The following LRRC46 variants were observed in gnomAD, a reference collection of about 807,000 sequenced individuals.
LRRC46 encodes leucine rich repeat containing 46.
In LRRC46, 20 loss-of-function variants were observed where a neutral mutation model predicts 28.0. The ratio of observed to expected loss-of-function variants is 0.71; its 90% CI spans 0.50 to 1.04. The LOEUF (loss-of-function observed/expected upper bound fraction) is 1.04, where lower values mean the gene tolerates loss of function less well. LRRC46 is among the 50% of genes least tolerant of loss of function. LRRC46 has a pLI of 0.00. For synonymous variants in LRRC46, 156 were observed against 158.8 expected (o/e 0.98, Z 0.13); for missense variants, 315 against 390.1 (o/e 0.81, Z 1.62).
Position 47,836,475 on chromosome 17 carries a change from G to C in LRRC46, c.595G>C (p.Gly199Arg). ...GAGTGGCCCATTCTGCTCAGAACGA[G>C]GTGACCCTGCTTTCCAAGGTTTTCA... The part of the protein sequence containing the change: ...ELSGPFCSER[G>R]FLKELEQELS... Residue 199 changes from glycine to arginine, a missense_variant and splice_region_variant, in exon 7 of 8, where the codon GGC becomes CGC. Transcript: ENST00000269025. This position sits in a 1 kb window ranked among gnomAD's most constrained non-coding sequence, Gnocchi z 5.8. The C allele has an allele frequency of 1.2e-6, 2 of 1,613,786 alleles. No homozygotes were observed. Among genetic ancestry groups the C allele is most frequent in the East Asian group, 4.5e-5 (2 of 44,876 alleles).
rs143367535 is a variant in LRRC46, at chr17:47,836,857, G to A, written c.703G>A (p.Asp235Asn). ...LRMEMQPTLT[D>N]LPLLPGVPMA... ...GATGGAGATGCAGCCCACCCTCACC[G>A]ACCTGCCCCTGCTACCTGGGGTGCC... The change falls in exon 8 of 8, where the codon GAC becomes AAC. Residue 235 changes from aspartate to asparagine, a missense_variant. Physicochemically the swap from Asp to Asn is conservative, Grantham distance 23. Transcript: ENST00000269025. This position sits in a 1 kb window ranked among gnomAD's most constrained non-coding sequence, Gnocchi z 5.8. 65 of 1,613,686 alleles carry A rather than the reference G, an allele frequency of 4.0e-5. 1 individual carries two copies. The highest frequency in any genetic ancestry group is 1.6e-4 in the Middle Eastern group (1 of 6,084).
intron 2 of LRRC46, 118 bp downstream of exon 2, chr17:47,832,323 A>T: frequency 1.6e-6 from 1 of 644,632 alleles, no homozygotes; most frequent in Non-Finnish European, 2.6e-6. Context: ...CCACACATTC[A>T]ATCAGTGGTA....
intron 3 of LRRC46, chr17:47,834,892 GCTGTT>G: frequency 4.4e-6 from 1 of 225,238 alleles, no homozygotes; most frequent in Non-Finnish European, 8.7e-6. Flanking sequence ...CTACTTGAAG[GCTGTT>G]TGGTGGTGGT....
rs767683634 is a variant in LRRC46, at chr17:47,832,190, AAC to A, written c.102_103del (p.Glu34AspfsTer10). On this transcript the variant is annotated frameshift_variant, in exon 2 of 8. Transcript: ENST00000269025. LOFTEE classifies it high-confidence loss of function. ...AACTTGACTTTCCCTGAAGATGGGGAACTGTCAGAGAAGATGTGAGTGCATGG... is the reference window on the plus strand; with the variant it reads ...AACTTGACTTTCCCTGAAGATGGGGATGTCAGAGAAGATGTGAGTGCATGG... 1.3e-6 allele frequency: 2 copies of A among 1,596,176 alleles called. No individual in the cohort carries two copies. The highest frequency in any genetic ancestry group is 3.5e-5 in the Admixed American group (2 of 57,618).
Position 47,836,262 on chromosome 17 carries a change from G to A in LRRC46, c.453-71G>A, listed in dbSNP as rs1361298456. 1 of 1,599,314 alleles carries A rather than the reference G, an allele frequency of 6.3e-7. No individual in the cohort carries two copies. The highest frequency in any genetic ancestry group is 8.5e-7 in the Non-Finnish European group (1 of 1,171,046). Reference sequence around the variant, plus strand: ...CACCACCCCTCCGGGTGTGAGTGCTGTGGTGCGTGTCTTTGCATCCTCCAC... The same window carrying A: ...CACCACCCCTCCGGGTGTGAGTGCTATGGTGCGTGTCTTTGCATCCTCCAC... On this transcript the variant is annotated intron_variant, in intron 6 of 7. Coordinates refer to ENST00000269025, the MANE Select transcript of LRRC46 (RefSeq NM_033413.4). This position sits in a 1 kb window ranked among gnomAD's most constrained non-coding sequence, Gnocchi z 5.8.
intron 3 of LRRC46, 195 bp downstream of exon 3, chr17:47,834,728 T>C (rs1349299959): frequency 4.0e-6 from 2 of 505,062 alleles, no homozygotes; most frequent in African/African-American, 3.9e-5. Context: ...ATCCTGAACA[T>C]GACCTGTGCT....
At chr17:47,835,488 G>C in intron 4 of LRRC46, 89 bp downstream of exon 4, 2 of 1,531,728 alleles carry the variant, frequency 1.3e-6, no homozygotes, top group Non-Finnish European at 1.8e-6. Context: ...CTCCAAGCCT[G>C]GGTCCTTGTC....
rs763717181 is a variant in LRRC46, at chr17:47,837,077, C to T, written c.923C>T (p.Ala308Val). The change falls in exon 8 of 8, where the codon GCC (alanine) becomes GTC (valine). Residue 308 changes from alanine to valine, a missense_variant. Coordinates refer to ENST00000269025, the MANE Select transcript of LRRC46 (RefSeq NM_033413.4). ...ATAPKASVAE[A>V]PSTTKTTAKR... ...GCCCCCAAGGCCTCTGTGGCTGAGG[C>T]CCCCAGCACAACCAAAACTACGGCC... is the stretch of plus-strand genomic sequence containing the variant. 2 of 1,604,056 alleles carry T rather than the reference C, an allele frequency of 1.2e-6. No individual in the cohort carries two copies. The highest frequency in any genetic ancestry group is 2.2e-5 in the East Asian group (1 of 44,830).
Position 47,836,781 on chromosome 17 carries a change from C to T in LRRC46, c.627C>T (p.Ser209=). 1 of 1,613,752 alleles carries T rather than the reference C, an allele frequency of 6.2e-7. No homozygotes were observed. The highest frequency in any genetic ancestry group is 8.5e-7 in the Non-Finnish European group (1 of 1,179,932). Residue 209 remains serine (S), a synonymous_variant, in exon 8 of 8, where the codon AGC becomes AGT. Coordinates refer to ENST00000269025, the MANE Select transcript of LRRC46 (RefSeq NM_033413.4). The surrounding 1 kb of genome is among the most constrained non-coding windows in gnomAD (Gnocchi z 5.8). ...TCAAGGAGCTGGAGCAGGAGCTGAG[C>T]AGGCACAGGGAGCACCGGCAACAGA... ...GFLKELEQEL[S]RHREHRQQTA... is the part of the protein sequence containing the mutation.
At position 47,836,609 on chromosome 17, in the gene LRRC46, G is replaced by T; in HGVS notation, c.595+134G>T. 1 of 1,492,238 alleles carries T rather than the reference G, an allele frequency of 6.7e-7. No individual in the cohort carries two copies. The highest frequency in any genetic ancestry group is 2.4e-5 in the East Asian group (1 of 42,296). The allele number at this position is 1,492,238 out of a possible 1,614,324, so 92.4% of individuals were successfully genotyped here. ...CAGATCAACATCTGGGCCAGAGCCA[G>T]GTGTCAGTCCTGGGCCCCAGCCTCA... On this transcript the variant is annotated intron_variant, in intron 7 of 7. Coordinates refer to ENST00000269025, the MANE Select transcript of LRRC46 (RefSeq NM_033413.4). The surrounding 1 kb of genome is among the most constrained non-coding windows in gnomAD (Gnocchi z 5.8).
chr17:47,834,453 G>A lies in LRRC46; in HGVS notation c.145G>A (p.Val49Ile), dbSNP rs750381873. 1.2e-5 allele frequency: 19 copies of A among 1,613,644 alleles called. 1 individual carries two copies. In the South Asian group the frequency reaches 2.0e-4, roughly 17 times the overall value. Reference protein sequence around the residue: ...MFHTLDELQTVRLDREGITTI... With the variant: ...MFHTLDELQTIRLDREGITTI... ...TCACACTCTTGATGAACTGCAGACT[G>A]TCCGCCTGGACCGGGAGGGGATTAC... The change falls in exon 3 of 8, where the codon GTC becomes ATC. Residue 49 changes from valine (V) to isoleucine (I), a missense_variant. Coordinates refer to ENST00000269025, the MANE Select transcript of LRRC46 (RefSeq NM_033413.4).
chr17:47,835,021 T>G (rs2033677735), intron 3 of LRRC46: 3 of 328,828 alleles, frequency 9.1e-6, no homozygotes. Flanking sequence ...GTTCTCTCTG[T>G]GTATGCAAGC....
Position 47,836,161 on chromosome 17 carries a change from C to A in LRRC46, c.452+59C>A. On this transcript the variant is annotated intron_variant, in intron 6 of 7. Transcript: ENST00000269025. This position sits in a 1 kb window ranked among gnomAD's most constrained non-coding sequence, Gnocchi z 5.8. ...CTGAGCTCTACCTGCTAACTCAGCCCAGACCCCTCTCAGCCTGCAAACCTG... is the reference window on the plus strand; with the variant it reads ...CTGAGCTCTACCTGCTAACTCAGCCAAGACCCCTCTCAGCCTGCAAACCTG... 2 of 1,596,108 alleles carry A rather than the reference C, an allele frequency of 1.3e-6. No homozygotes were observed. Among genetic ancestry groups the A allele is most frequent in the Non-Finnish European group, 8.6e-7 (1 of 1,163,980 alleles).
At position 47,837,643 on chromosome 17, in the gene LRRC46, C is replaced by T. The variant is rs2033716016; in HGVS notation, c.*523C>T. 1.5e-6 allele frequency: 1 copy of T among 658,962 alleles called. No individual in the cohort carries two copies. Among genetic ancestry groups the T allele is most frequent in the Non-Finnish European group, 2.4e-6 (1 of 415,344 alleles). The allele number at this position is 658,962 out of a possible 1,614,324, so 40.8% of individuals were successfully genotyped here. ...CCAGCCCACAGCTGCCTTTGGGCCT[C>T]ACTTGGCTCTCCCACCCCCACTGGT... On this transcript the variant is annotated 3_prime_UTR_variant, in exon 8 of 8. Coordinates refer to ENST00000269025, the MANE Select transcript of LRRC46 (RefSeq NM_033413.4).
chr17:47,831,671 C>G lies in LRRC46; in HGVS notation c.-319C>G, dbSNP rs545471234. On this transcript the variant is annotated 5_prime_UTR_variant, in exon 1 of 8. Transcript: ENST00000269025. Reference sequence around the variant, plus strand: ...AACGGAGCCCGCCTTTACCTCCCCACTCGGCGTCCAGTCTCTTAGCAACGA... The same window carrying G: ...AACGGAGCCCGCCTTTACCTCCCCAGTCGGCGTCCAGTCTCTTAGCAACGA... The G allele has an allele frequency of 1.6e-4, 113 of 720,694 alleles. No individual in the cohort carries two copies. The African/African-American group carries it at 1.8e-3, about 12-fold the overall frequency. The allele number at this position is 720,694 out of a possible 1,614,324, so 44.6% of individuals were successfully genotyped here. A position where few individuals can be genotyped will look rare whatever the true frequency, so the allele number is the denominator to read the frequency against.
At position 47,831,839 on chromosome 17, in the gene LRRC46, T is replaced by A; in HGVS notation, c.-151T>A. On this transcript the variant is annotated 5_prime_UTR_variant, in exon 1 of 8. Transcript: ENST00000269025. ...GTTTTCTTCGACCTCACCCCAGCAA[T>A]TTTCTCTGAATCAACCCCCTTTCCT... The A allele has an allele frequency of 1.0e-6, 1 of 1,003,966 alleles. No homozygotes were observed. The highest frequency in any genetic ancestry group is 1.5e-6 in the Non-Finnish European group (1 of 670,654). 62.2% of individuals were successfully genotyped at this position (1,003,966 alleles called of 1,614,324 possible).
In LRRC46 at chr17:47,835,733, T is replaced by C; in HGVS notation, c.340T>C (p.Phe114Leu). 6.2e-7 allele frequency: 1 copy of C among 1,614,222 alleles called. No homozygotes were observed. The highest frequency in any genetic ancestry group is 1.1e-5 in the South Asian group (1 of 91,092). The change falls in exon 5 of 8, where the codon TTT becomes CTT. Residue 114 changes from phenylalanine to leucine, a missense_variant. Physicochemically the swap from Phe to Leu is conservative, Grantham distance 22. Coordinates refer to ENST00000269025, the MANE Select transcript of LRRC46 (RefSeq NM_033413.4). ...ENLLDLPCLQ[F>L]LDLSENLIET... ...CCTCCTCGACCTCCCATGCCTCCAG[T>C]TTCTGGACCTTTCTGAGAACCTGAT...
At chr17:47,835,288 C>T (rs1434387909) in intron 3 of LRRC46, 65 bp from the exon 4 acceptor site, 3 of 1,539,200 alleles carry the variant, frequency 1.9e-6, no homozygotes, top group Non-Finnish European at 2.7e-6. Context: ...GGGCTTTGTC[C>T]CCGTAAAGGG....
chr17:47,834,349 C>T, intron 2 of LRRC46, 76 bp from the exon 3 acceptor site: 1 of 1,076,844 alleles, frequency 9.3e-7, no homozygotes. Flanking sequence ...CCCTTCCCTC[C>T]TCCGTCTCCC....
Sources: allele counts gnomAD v4.1 joint callset, GRCh38; gene constraint gnomAD v4.1.1; non-coding constraint Gnocchi (gnomAD v3.1); transcripts MANE v1.5; gene names NCBI Gene and HGNC (gene_info 2026-07-23, HGNC 2026-07-21).